The following LDLRAD4 variants were observed in gnomAD, a reference collection of about 807,000 sequenced individuals.
The protein encoded by LDLRAD4 is low-density lipoprotein receptor class A domain-containing protein 4.
LDLRAD4 carries 5 observed loss-of-function variants against 17.0 expected under a neutral mutation model. The ratio of observed to expected loss-of-function variants is 0.29; its 90% CI spans 0.15 to 0.62. The LOEUF is 0.62. Among genes scored for constraint, LDLRAD4 ranks in the 20% least tolerant of loss-of-function variants. The pLI is 0.84. For synonymous variants in LDLRAD4, 168 were observed against 171.8 expected (o/e 0.98, Z 0.17); for missense variants, 340 against 424.7 (o/e 0.80, Z 1.75).
intron 3 of LDLRAD4, among the ~76,000 whole-genome samples, chr18:13,593,414 C>T (rs1364666352): frequency 6.8e-6 from 1 of 147,838 alleles, no homozygotes; most frequent in Non-Finnish European, 1.5e-5. Context: ...CTGTCCTTTC[C>T]TCGCGATGCT....
intron 3 of LDLRAD4, among the ~76,000 whole-genome samples, chr18:13,502,457 A>G (rs1175721545): frequency 1.3e-5 from 2 of 152,252 alleles, no homozygotes; most frequent in Non-Finnish European, 1.5e-5. Flanking sequence ...ACTTTTGTGT[A>G]TGAAGTTCGT....
At chr18:13,441,468 G>A (rs2091016570) in intron 3 of LDLRAD4, among the ~76,000 whole-genome samples, 1 of 152,228 alleles carries the variant, frequency 6.6e-6, no homozygotes, top group Admixed American at 6.5e-5. Context: ...GAGCAGGATT[G>A]GCTTGTGTGA....
At chr18:13,650,605 T>C (rs2043206334) in exon 6 of LDLRAD4, 1 of 379,442 alleles carries the variant, frequency 2.6e-6, no homozygotes, top group Non-Finnish European at 4.7e-6. Flanking sequence ...TGGTGCTTTT[T>C]TCAGTTGTCT....
intron 1 of LDLRAD4, among the ~76,000 whole-genome samples, chr18:13,310,800 C>T (rs908768138): frequency 6.6e-6 from 1 of 152,184 alleles, no homozygotes; most frequent in African/African-American, 2.4e-5. Context: ...AGATTAAATC[C>T]ATAAATTAAT....
chr18:13,444,576 C>T (rs1393796623), intron 3 of LDLRAD4, among the ~76,000 whole-genome samples: 1 of 152,134 alleles, frequency 6.6e-6, no homozygotes, highest in African/African-American at 2.4e-5. Flanking sequence ...CAGCCCCAAC[C>T]CCCAAATTGT....
upstream of LDLRAD4, among the ~76,000 whole-genome samples, chr18:13,276,055 C>T (rs796314415): frequency 4.4e-4 from 67 of 152,278 alleles, no homozygotes; most frequent in African/African-American, 1.5e-3. Flanking sequence ...GTCGCCCATG[C>T]TGGAGTGCAG....
At chr18:13,377,638 T>A (rs1448438312) in intron 1 of LDLRAD4, among the ~76,000 whole-genome samples, 2 of 152,190 alleles carry the variant, frequency 1.3e-5, no homozygotes, top group Admixed American at 6.5e-5. Flanking sequence ...CCGCTTCCTC[T>A]CTCCAGAGGA....
intron 3 of LDLRAD4, among the ~76,000 whole-genome samples, chr18:13,586,880 GAAAA>G (rs1010455072): frequency 8.1e-5 from 12 of 147,306 alleles, no homozygotes; most frequent in African/African-American, 1.0e-4. Context: ...AAAAAAAAAG[GAAAA>G]AAAAATAGGG....
In LDLRAD4 at chr18:13,364,959, A is replaced by G. The variant is rs754461877; in HGVS notation, c.-382-22382A>G. 1.9e-3 allele frequency among the ~76,000 whole-genome samples: 283 copies of G among 152,166 alleles called. 1 individual carries two copies. Among genetic ancestry groups the G allele is most frequent in the Non-Finnish European group, 2.7e-3 (183 of 68,030 alleles). On this transcript the variant is annotated intron_variant, in intron 1 of 5. Transcript: ENST00000359446. ...CTTGTCTGTAAGCAACTTACAGGCT[A>G]GTTAGGGAGACAAGACACACCATGA... is the stretch of plus-strand genomic sequence containing the variant.
At chr18:13,582,401 G>A (rs150878266) in intron 3 of LDLRAD4, among the ~76,000 whole-genome samples, 3 of 152,254 alleles carry the variant, frequency 2.0e-5, no homozygotes, top group East Asian at 1.9e-4. Context: ...CATCTAAACC[G>A]CCTGGAGTGG....
intron 1 of LDLRAD4, among the ~76,000 whole-genome samples, chr18:13,309,868 C>T (rs1263144041): frequency 6.6e-6 from 1 of 152,118 alleles, no homozygotes; most frequent in Non-Finnish European, 1.5e-5. Flanking sequence ...GCTGTGTGGC[C>T]TTCATCCCAC....
upstream of LDLRAD4, among the ~76,000 whole-genome samples, chr18:13,274,102 G>A (rs1187754590): frequency 3.9e-5 from 6 of 152,146 alleles, no homozygotes; most frequent in Non-Finnish European, 5.9e-5. Context: ...GGCTCTCCTC[G>A]GTGGCTTCCT....
chr18:13,569,626 G>A (rs1171024141), intron 3 of LDLRAD4, among the ~76,000 whole-genome samples: 2 of 152,224 alleles, frequency 1.3e-5, no homozygotes, highest in Non-Finnish European at 2.9e-5. Flanking sequence ...GCTCAAACCT[G>A]TAATCCCAGC....
intron 3 of LDLRAD4, among the ~76,000 whole-genome samples, chr18:13,482,678 T>C (rs1393353981): frequency 6.6e-6 from 1 of 152,156 alleles, no homozygotes; most frequent in East Asian, 1.9e-4. Context: ...AATGAGGAGA[T>C]GAGTGGACTC....
At chr18:13,568,347 A>G (rs1035553808) in intron 3 of LDLRAD4, among the ~76,000 whole-genome samples, 6 of 151,710 alleles carry the variant, frequency 4.0e-5, no homozygotes, top group Middle Eastern at 7.0e-3. Context: ...TGGGGCTGGT[A>G]TAGGGGCCCC....
At chr18:13,363,102 G>A (rs200114720) in intron 1 of LDLRAD4, among the ~76,000 whole-genome samples, 14 of 152,020 alleles carry the variant, frequency 9.2e-5, no homozygotes, top group East Asian at 7.7e-4. Context: ...AAGCAGAGGC[G>A]GGCGGATCAC....
intron 1 of LDLRAD4, among the ~76,000 whole-genome samples, chr18:13,330,042 G>A (rs1205084860): frequency 1.3e-5 from 2 of 151,392 alleles, no homozygotes; most frequent in Non-Finnish European, 2.9e-5. Context: ...TGCAAACTCT[G>A]CCTCTCGGGT....
At chr18:13,275,751 G>A (rs1312774263), upstream of LDLRAD4, among the ~76,000 whole-genome samples, 1 of 145,668 alleles carries the variant, frequency 6.9e-6, no homozygotes, top group Non-Finnish European at 1.5e-5. Context: ...TACCTACTAT[G>A]TGCACACAAA....
chr18:13,566,367 C>CT (rs11462818), intron 3 of LDLRAD4, among the ~76,000 whole-genome samples: 14,870 of 143,352 alleles, frequency 0.1, 1,318 homozygotes, highest in African/African-American at 0.23. Flanking sequence ...ATGCCTTAGA[C>CT]TTTTTTTTTT....
Sources: gnomAD v4.1 joint callset for allele counts (sites outside exome capture counted in the v4.1 genomes callset) on GRCh38, gnomAD v4.1.1 for gene constraint, MANE v1.5 for transcripts, NCBI Gene and HGNC (gene_info 2026-07-23, HGNC 2026-07-21) for gene names.